Variants in PAH observed in about 807,000 individuals in gnomAD.
The protein encoded by PAH is phenylalanine hydroxylase.
A neutral mutation model predicts 62.0 loss-of-function variants in PAH; 64 were observed. The ratio of observed to expected loss-of-function variants is 1.03; its 90% confidence interval spans 0.84 to 1.27. The LOEUF (loss-of-function observed/expected upper bound fraction) is 1.27. Among genes scored for constraint, PAH ranks in the 50% most tolerant of loss-of-function variants. PAH has a pLI of 0.00. For missense variants in PAH, 579 were observed against 542.8 expected, an observed-to-expected ratio of 1.07 and a Z score of -0.66; for synonymous variants, 195 against 196.2, an observed-to-expected ratio of 0.99 and a Z score of 0.05.
chr12:102,954,740 CCCATCT>C, upstream of PAH, among the ~76,000 whole-genome samples: 1 of 152,266 alleles, frequency 6.6e-6, no homozygotes, highest in Non-Finnish European at 1.5e-5. Context: ...TCCTGAGCCT[CCCATCT>C]TTTGCTTCAC....
chr12:102,860,217 C>G (rs568866311), intron 5 of PAH, among the ~76,000 whole-genome samples: 5 of 152,290 alleles, frequency 3.3e-5, no homozygotes, highest in East Asian at 1.9e-4. Flanking sequence ...CATGAGGGAA[C>G]TCCCATTCAC....
intron 6 of PAH, chr12:102,853,284 C>A (rs1002912234): frequency 2.8e-6 from 1 of 353,742 alleles, no homozygotes; most frequent in Non-Finnish European, 5.5e-6. Flanking sequence ...CTTTCATTAC[C>A]ATTTGTTAGG....
Position 102,846,012 on chromosome 12 carries a change from T to A in PAH, c.969+883A>T, listed in dbSNP as rs575626032. 4.6e-5 allele frequency among the ~76,000 whole-genome samples: 7 copies of A among 152,316 alleles called. No individual in the cohort carries two copies. In the South Asian group the frequency reaches 6.2e-4, roughly 14 times the overall value. On this transcript the variant is annotated intron_variant, in intron 9 of 12. Transcript: ENST00000553106. Reference sequence around the variant, plus strand: ...ACTTCTTTGAAAGCCGCTCCTTGTATCTCTGTAGCCTCTGGCATTTAAAAA... The same window carrying A: ...ACTTCTTTGAAAGCCGCTCCTTGTAACTCTGTAGCCTCTGGCATTTAAAAA...
intron 3 of PAH, 31 bp from the exon 4 acceptor site, chr12:102,877,581 A>G: frequency 6.5e-7 from 1 of 1,536,228 alleles, no homozygotes; most frequent in Non-Finnish European, 9.0e-7. Flanking sequence ...CGTCCTGAGT[A>G]CAGATTGGCA....
Position 102,836,944 on chromosome 12 carries a change from T to C in PAH, c.*2231A>G, listed in dbSNP as rs1874389466. 6.6e-6 allele frequency: 1 copy of C among 152,218 alleles called. No individual in the cohort carries two copies. Among genetic ancestry groups the C allele is most frequent in the Non-Finnish European group, 1.5e-5 (1 of 68,026 alleles). The allele number at this position is 152,218 out of a possible 1,614,324, so 9.4% of individuals were successfully genotyped here. ...GATTTTTTGAAACACAACTAAATTATATAACTTAGAAACCTACAGTTAAAA... is the reference window on the plus strand; with the variant it reads ...GATTTTTTGAAACACAACTAAATTACATAACTTAGAAACCTACAGTTAAAA... On this transcript the variant is annotated 3_prime_UTR_variant, in exon 13 of 13. Transcript: ENST00000553106.
chr12:102,912,470 C>T (rs948961216), intron 2 of PAH, among the ~76,000 whole-genome samples: 12 of 152,054 alleles, frequency 7.9e-5, no homozygotes, highest in Non-Finnish European at 1.6e-4. Context: ...AATGTAATCA[C>T]GTGTCACATA....
intron 3 of PAH, chr12:102,886,352 A>T (rs1877044549): frequency 6.6e-6 from 1 of 152,228 alleles, no homozygotes; most frequent in Non-Finnish European, 1.5e-5. Flanking sequence ...GAGTGAATAG[A>T]TATGAGTGGA....
At chr12:102,930,368 A>G (rs1180690954) in intron 1 of PAH, among the ~76,000 whole-genome samples, 1 of 135,460 alleles carries the variant, frequency 7.4e-6, no homozygotes, top group Non-Finnish European at 1.5e-5. Flanking sequence ...ACATATTTTC[A>G]TCTTTTTTTT....
chr12:102,847,612 G>T (rs897946144), intron 8 of PAH, among the ~76,000 whole-genome samples: 1 of 152,158 alleles, frequency 6.6e-6, no homozygotes, highest in African/African-American at 2.4e-5. Context: ...TTTTAGTGGA[G>T]ACAGACAATA....
chr12:102,911,105 CATCCT>C (rs1878186121), intron 2 of PAH, among the ~76,000 whole-genome samples: 1 of 152,042 alleles, frequency 6.6e-6, no homozygotes, highest in African/African-American at 2.4e-5. Flanking sequence ...TGGATTTCCC[CATCCT>C]TGGTAGGGGC....
Position 102,838,148 on chromosome 12 carries a change from G to C in PAH, c.*1027C>G, listed in dbSNP as rs1318509538. On this transcript the variant is annotated 3_prime_UTR_variant, in exon 13 of 13. Transcript: ENST00000553106. ...CATGGCAAACACACAATCAACAAAA[G>C]TCAAAGTCCGTTGACTGTCCAGGCA... The C allele has an allele frequency of 6.6e-6, 1 of 152,110 alleles. No individual in the cohort carries two copies. The highest frequency in any genetic ancestry group is 1.5e-5 in the Non-Finnish European group (1 of 68,028). 9.4% of individuals were successfully genotyped at this position (152,110 alleles called of 1,614,324 possible).
intron 5 of PAH, among the ~76,000 whole-genome samples, chr12:102,863,762 C>T (rs561333111): frequency 3.9e-5 from 6 of 152,218 alleles, no homozygotes; most frequent in Middle Eastern, 6.8e-3. Flanking sequence ...CTAAACTACC[C>T]GCCTTAAACT....
intron 1 of PAH, among the ~76,000 whole-genome samples, chr12:102,938,507 G>A (rs979885028): frequency 4.6e-5 from 7 of 152,172 alleles, no homozygotes; most frequent in African/African-American, 1.7e-4. Context: ...TGTCCACAGT[G>A]CTGAGGAAGG....
chr12:102,909,775 A>G (rs1878129533), intron 2 of PAH, among the ~76,000 whole-genome samples: 1 of 152,186 alleles, frequency 6.6e-6, no homozygotes, highest in African/African-American at 2.4e-5. Context: ...CTTGGGCAAC[A>G]TGGTGAAACC....
chr12:102,910,791 A>C (rs1367909726), intron 2 of PAH, among the ~76,000 whole-genome samples: 1 of 150,098 alleles, frequency 6.7e-6, no homozygotes, highest in Non-Finnish European at 1.5e-5. Flanking sequence ...CTTCTCAGCC[A>C]TGGTTCTAAG....
At chr12:102,893,420 A>AAAAATAAAAATT in intron 3 of PAH, among the ~76,000 whole-genome samples, 1 of 152,036 alleles carries the variant, frequency 6.6e-6, no homozygotes, top group East Asian at 1.9e-4. Flanking sequence ...AAATAAAAAT[A>AAAAATAAAAATT]AAAAATAAAA....
At chr12:102,852,508 T>G (rs2136645701) in intron 7 of PAH, among the ~76,000 whole-genome samples, 1 of 152,320 alleles carries the variant, frequency 6.6e-6, no homozygotes, top group Middle Eastern at 3.4e-3. Context: ...TGGCTGCCAC[T>G]TGTTCCTGTT....
At chr12:102,857,411 C>T (rs148175377) in intron 5 of PAH, among the ~76,000 whole-genome samples, 3,516 of 152,284 alleles carry the variant, frequency 0.023, 128 homozygotes, top group African/African-American at 0.079. Flanking sequence ...AGGATACTAT[C>T]CAGGAGAACT....
intron 4 of PAH, among the ~76,000 whole-genome samples, chr12:102,876,334 G>T (rs1876562879): frequency 6.6e-6 from 1 of 152,136 alleles, no homozygotes; most frequent in African/African-American, 2.4e-5. Context: ...CTGGATTTCT[G>T]CCACTAGCTA....
Sources: allele counts gnomAD v4.1 joint callset (sites outside exome capture counted in the v4.1 genomes callset), GRCh38; gene constraint gnomAD v4.1.1; transcripts MANE v1.5; gene names NCBI Gene and HGNC (gene_info 2026-07-23, HGNC 2026-07-21).